Variants in PCDHA3 observed in about 807,000 individuals in gnomAD.
PCDHA3 encodes the protein protocadherin alpha 3.
Under a neutral mutation model 62.2 loss-of-function variants are expected in PCDHA3, and 41 were observed. The ratio of observed to expected loss-of-function variants is 0.66; its 90% CI spans 0.51 to 0.86. The LOEUF is 0.86. Among genes scored for constraint, PCDHA3 ranks in the 40% least tolerant of loss-of-function variants. The pLI is 0.00. For synonymous variants in PCDHA3, 640 were observed against 555.4 expected, an observed-to-expected ratio of 1.15 and a Z score of -2.14; for missense variants, 1,304 against 1,241.2, an observed-to-expected ratio of 1.05 and a Z score of -0.76.
intron 3 of PCDHA3, among the ~76,000 whole-genome samples, chr5:140,987,107 G>A (rs936936352): frequency 6.6e-6 from 1 of 151,876 alleles, no homozygotes; most frequent in Non-Finnish European, 1.5e-5. Flanking sequence ...CCAGCTACTC[G>A]GGAGGCTGAG....
At chr5:140,824,506 C>T (rs1362393009) in intron 1 of PCDHA3, 1 of 304,690 alleles carries the variant, frequency 3.3e-6, no homozygotes, top group Non-Finnish European at 6.1e-6. Flanking sequence ...GCTTAGTCTG[C>T]AGTGATCTGA....
chr5:140,967,204 G>C, intron 1 of PCDHA3: 10 of 1,613,634 alleles, frequency 6.2e-6, no homozygotes, highest in Non-Finnish European at 8.5e-6. Context: ...ACAACTCACC[G>C]CGTTTCCCGC....
chr5:140,877,737 G>A, intron 1 of PCDHA3: 6 of 1,614,176 alleles, frequency 3.7e-6, no homozygotes, highest in Non-Finnish European at 5.1e-6. Flanking sequence ...AGCAGAGGAG[G>A]CAGAGGGTGT....
chr5:140,942,197 T>C (rs2093245078), intron 1 of PCDHA3, among the ~76,000 whole-genome samples: 1 of 152,170 alleles, frequency 6.6e-6, no homozygotes, highest in African/African-American at 2.4e-5. Context: ...TAAAATACAT[T>C]TTTGAGCATA....
chr5:140,981,144 A>G (rs1245688386), intron 2 of PCDHA3, among the ~76,000 whole-genome samples: 1 of 152,238 alleles, frequency 6.6e-6, no homozygotes, highest in African/African-American at 2.4e-5. Flanking sequence ...GAGTGAGAAA[A>G]CATTGAACTT....
At position 140,970,091 on chromosome 5, in the gene PCDHA3, G is replaced by A. The variant is rs542039822; in HGVS notation, c.2395-8858G>A. ...AATGAGTGGATTAGGGGTGTGGGGG[G>A]ATGGTGAAGACCAAGAGAAGCTGGG... On this transcript the variant is annotated intron_variant, in intron 1 of 3. Coordinates refer to ENST00000522353, the MANE Select transcript of PCDHA3 (RefSeq NM_018906.3). 3.9e-4 allele frequency among the ~76,000 whole-genome samples: 59 copies of A among 152,258 alleles called. 1 individual carries two copies. Among genetic ancestry groups the A allele is most frequent in the Admixed American group, 1.1e-3 (17 of 15,292 alleles).
chr5:140,922,409 C>A (rs1335922543), intron 1 of PCDHA3, among the ~76,000 whole-genome samples: 2 of 152,154 alleles, frequency 1.3e-5, no homozygotes, highest in Non-Finnish European at 2.9e-5. Context: ...TTAAAAAGAT[C>A]TAGGTACAGA....
chr5:140,842,007 T>C (rs2150327218), intron 1 of PCDHA3: 2 of 1,613,612 alleles, frequency 1.2e-6, no homozygotes, highest in East Asian at 2.2e-5. Flanking sequence ...GTTCAGCTGC[T>C]GGTCACAGTG....
intron 1 of PCDHA3, among the ~76,000 whole-genome samples, chr5:140,941,191 T>TTTTTTCTTTC (rs1554213809): frequency 1.1e-5 from 1 of 93,206 alleles, no homozygotes; most frequent in Non-Finnish European, 2.3e-5. Flanking sequence ...GCTTCTTTTT[T>TTTTTTCTTTC]TTTCTTTCTT....
intron 1 of PCDHA3, chr5:140,823,435 G>C (rs2150125810): frequency 6.8e-6 from 11 of 1,613,290 alleles, no homozygotes; most frequent in East Asian, 2.2e-5. Flanking sequence ...GCAGGTGTTC[G>C]TGCTGGACGA....
At chr5:140,958,921 G>A (rs269549) in intron 1 of PCDHA3, among the ~76,000 whole-genome samples, 34,177 of 150,822 alleles carry the variant, frequency 0.23, 4,980 homozygotes, top group African/African-American at 0.42. Context: ...GCCTGGGTGT[G>A]GTGGCTCATA....
chr5:140,876,850 T>A, intron 1 of PCDHA3: 1 of 1,614,012 alleles, frequency 6.2e-7, no homozygotes, highest in Non-Finnish European at 8.5e-7. Flanking sequence ...GCAGCCCGAG[T>A]ACACAGTGTT....
At chr5:140,950,237 ATTTG>A (rs782102459) in intron 1 of PCDHA3, among the ~76,000 whole-genome samples, 1 of 151,954 alleles carries the variant, frequency 6.6e-6, no homozygotes, top group Non-Finnish European at 1.5e-5. Flanking sequence ...AGTGCCATTA[ATTTG>A]TTCCTAAAGA....
At chr5:140,873,221 G>A (rs2054166323) in intron 1 of PCDHA3, among the ~76,000 whole-genome samples, 1 of 151,940 alleles carries the variant, frequency 6.6e-6, no homozygotes, top group African/African-American at 2.4e-5. Context: ...TTAAAGAGAA[G>A]GCAACAATAT....
intron 1 of PCDHA3, among the ~76,000 whole-genome samples, chr5:140,974,766 G>A (rs2096639663): frequency 6.6e-6 from 1 of 152,158 alleles, no homozygotes; most frequent in Non-Finnish European, 1.5e-5. Flanking sequence ...GGGATTACAG[G>A]TATGAGCCAC....
rs2150327556 is a variant in PCDHA3, at chr5:140,842,022, A to G, written c.2394+38431A>G. On this transcript the variant is annotated intron_variant, in intron 1 of 3. Transcript: ENST00000522353. Reference sequence around the variant, plus strand: ...GTTCAGCTGCTGGTCACAGTGCTGGATGTGAATGATAATGCTCCCACTTTC... The same window carrying G: ...GTTCAGCTGCTGGTCACAGTGCTGGGTGTGAATGATAATGCTCCCACTTTC... 11 of 1,613,848 alleles carry G rather than the reference A, an allele frequency of 6.8e-6. No homozygotes were observed. The highest frequency in any genetic ancestry group is 3.3e-5 in the Admixed American group (2 of 60,004).
chr5:140,821,779 G>C, intron 1 of PCDHA3: 2 of 1,609,366 alleles, frequency 1.2e-6, no homozygotes, highest in Non-Finnish European at 1.7e-6. Context: ...GATTGAGATG[G>C]TATATTCCCG....
Position 140,927,198 on chromosome 5 carries a change from G to T in PCDHA3, c.2395-51751G>T. On this transcript the variant is annotated intron_variant, in intron 1 of 3. Transcript: ENST00000522353. ...TCTTGACCTACGACCTGGTGCTCGA[G>T]GACCCGCTGGAGCTGCACAAGATTC... 3 of 1,614,162 alleles carry T rather than the reference G, an allele frequency of 1.9e-6. No homozygotes were observed. In the South Asian group the frequency reaches 3.3e-5, roughly 18 times the overall value.
chr5:140,930,196 T>A (rs1554207641), intron 1 of PCDHA3: 3 of 152,226 alleles, frequency 2.0e-5, no homozygotes, highest in African/African-American at 7.2e-5. Context: ...AATTTTTATG[T>A]CAGAAATATT....
Sources: gnomAD v4.1 joint callset for allele counts (sites outside exome capture counted in the v4.1 genomes callset) on GRCh38, gnomAD v4.1.1 for gene constraint, MANE v1.5 for transcripts, NCBI Gene and HGNC (gene_info 2026-07-23, HGNC 2026-07-21) for gene names.